The following ATXN1 variants were observed in gnomAD, a reference collection of about 807,000 sequenced individuals.
ATXN1 encodes ataxin-1.
ATXN1 carries 8 observed loss-of-function variants against 56.4 expected under a neutral mutation model. The observed-to-expected ratio is 0.14, with a 90% confidence interval of 0.08 to 0.26. The LOEUF (loss-of-function observed/expected upper bound fraction) is 0.26. Ranked by LOEUF, ATXN1 falls within the 10% of genes least tolerant of loss-of-function variation. ATXN1 has a pLI of 1.00. For synonymous variants in ATXN1, 514 were observed against 494.6 expected, an observed-to-expected ratio of 1.04 and a Z score of -0.52; for missense variants, 987 against 1,106.5, an observed-to-expected ratio of 0.89 and a Z score of 1.53.
At chr6:16,490,134 CAAAA>C (rs36120552) in intron 5 of ATXN1, among the ~76,000 whole-genome samples, 2 of 134,276 alleles carry the variant, frequency 1.5e-5, no homozygotes, top group African/African-American at 2.7e-5. Context: ...GACAAATGAC[CAAAA>C]AAAAAAAAAA....
intron 7 of ATXN1, among the ~76,000 whole-genome samples, chr6:16,309,054 C>T (rs1760323401): frequency 6.6e-6 from 1 of 151,126 alleles, no homozygotes; most frequent in Non-Finnish European, 1.5e-5. Flanking sequence ...AAAATGAGAC[C>T]CCGTTTCTAC....
rs1204757788 is a variant in ATXN1, at chr6:16,535,839, A to G, written c.-360-13151T>C. Among the ~76,000 whole-genome samples the G allele has an allele frequency of 4.6e-5, 7 of 152,326 alleles. No individual in the cohort carries two copies. The East Asian group carries it at 1.4e-3, about 29-fold the overall frequency. ...CAAGATCAACAGCCCATGATAGGTC[A>G]CATATGATGTGATAAAAGTGACAAT... On this transcript the variant is annotated intron_variant, in intron 4 of 7. Coordinates refer to ENST00000436367, the MANE Select transcript of ATXN1 (RefSeq NM_001128164.2).
intron 6 of ATXN1, among the ~76,000 whole-genome samples, chr6:16,407,981 A>C (rs1381279553): frequency 1.3e-5 from 2 of 152,216 alleles, no homozygotes; most frequent in Admixed American, 6.5e-5. Flanking sequence ...GAACTGACCC[A>C]GAGTGGTTGG....
chr6:16,480,577 C>T (rs1760418505), intron 6 of ATXN1, among the ~76,000 whole-genome samples: 1 of 151,994 alleles, frequency 6.6e-6, no homozygotes, highest in African/African-American at 2.4e-5. Flanking sequence ...GCCCTGGATC[C>T]CTGATAGACT....
At chr6:16,528,276 G>A (rs972659135) in intron 4 of ATXN1, among the ~76,000 whole-genome samples, 2 of 151,130 alleles carry the variant, frequency 1.3e-5, no homozygotes, top group African/African-American at 2.4e-5. Context: ...ACTCCAACCT[G>A]GGCAACAGAG....
At chr6:16,708,279 A>G (rs554706659) in intron 2 of ATXN1, among the ~76,000 whole-genome samples, 1 of 152,334 alleles carries the variant, frequency 6.6e-6, no homozygotes, top group Non-Finnish European at 1.5e-5. Flanking sequence ...GTCAACATAC[A>G]TGCATCTAAC....
chr6:16,327,350 T>G lies in ATXN1; in HGVS notation c.961A>C (p.Lys321Gln). 1.2e-6 allele frequency: 2 copies of G among 1,613,448 alleles called. No individual in the cohort carries two copies. Among genetic ancestry groups the G allele is most frequent in the Non-Finnish European group, 1.7e-6 (2 of 1,179,970 alleles). ...TCCATCTCACCGTTCAGGACCTCCT[T>G]GGCCTGGATGGCCTGCTGCAGCCGG... The part of the protein sequence containing the change: ...SSRLQQAIQA[K>Q]EVLNGEMEKS... Residue 321 changes from lysine to glutamine, a missense_variant, in exon 7 of 8, where the codon AAG becomes CAG. Coordinates refer to ENST00000436367, the MANE Select transcript of ATXN1 (RefSeq NM_001128164.2).
intron 6 of ATXN1, among the ~76,000 whole-genome samples, chr6:16,331,620 C>A (rs1760995714): frequency 6.6e-6 from 1 of 152,098 alleles, no homozygotes; most frequent in Non-Finnish European, 1.5e-5. Flanking sequence ...TATAGTAGGC[C>A]CAGCCAGTAA....
At chr6:16,517,434 A>G (rs1265405522) in intron 5 of ATXN1, among the ~76,000 whole-genome samples, 1 of 152,236 alleles carries the variant, frequency 6.6e-6, no homozygotes, top group Non-Finnish European at 1.5e-5. Context: ...TGAGAATTAC[A>G]CAAGTTAATA....
intron 6 of ATXN1, among the ~76,000 whole-genome samples, chr6:16,347,052 C>T (rs148071858): frequency 0.011 from 1,642 of 152,374 alleles, 15 homozygotes; most frequent in Non-Finnish European, 0.015. Flanking sequence ...CTCAATTTCT[C>T]GCCAGGCCTT....
chr6:16,726,652 G>T (rs1759856950), intron 2 of ATXN1, among the ~76,000 whole-genome samples: 1 of 152,002 alleles, frequency 6.6e-6, no homozygotes, highest in African/African-American at 2.4e-5. Context: ...ATCACTTGAG[G>T]TCAGGAGTTC....
chr6:16,705,137 G>A (rs1759379812), intron 2 of ATXN1, among the ~76,000 whole-genome samples: 1 of 152,226 alleles, frequency 6.6e-6, no homozygotes, highest in Non-Finnish European at 1.5e-5. Context: ...TCCAGGTAGT[G>A]AGCCTATGCT....
intron 2 of ATXN1, chr6:16,752,889 C>G (rs532335054): frequency 5.1e-6 from 1 of 196,868 alleles, no homozygotes; most frequent in African/African-American, 2.4e-5. Context: ...AATGCAAAAA[C>G]TGTGACTTAA....
At position 16,328,320 on chromosome 6, in the gene ATXN1, T is replaced by G; in HGVS notation, c.-10A>C. On this transcript the variant is annotated 5_prime_UTR_variant, in exon 7 of 8. Transcript: ENST00000436367. This position sits in a 1 kb window ranked among gnomAD's most constrained non-coding sequence, Gnocchi z 6.2. ...CTTGGTTGGATTTCATTTTTCGCCG[T>G]CCCCCCTCCACGGTGACTGTTTCAC... is the stretch of plus-strand genomic sequence containing the variant. 2 of 1,490,804 alleles carry G rather than the reference T, an allele frequency of 1.3e-6. No individual in the cohort carries two copies. The highest frequency in any genetic ancestry group is 1.4e-5 in the South Asian group (1 of 73,422). The allele number at this position is 1,490,804 out of a possible 1,614,324, so 92.3% of individuals were successfully genotyped here.
intron 4 of ATXN1, among the ~76,000 whole-genome samples, chr6:16,559,110 C>T (rs908968856): frequency 6.6e-6 from 1 of 152,080 alleles, no homozygotes; most frequent in Non-Finnish European, 1.5e-5. Flanking sequence ...CTCAGATTGG[C>T]AAAGATCGTG....
chr6:16,628,087 A>T (rs1421470626), intron 3 of ATXN1, among the ~76,000 whole-genome samples: 3 of 152,222 alleles, frequency 2.0e-5, no homozygotes, highest in Admixed American at 1.3e-4. Context: ...ACAAATAAAA[A>T]TAAACAGACA....
Position 16,308,322 on chromosome 6 carries a change from T to TCACACACACACA in ATXN1, c.1918-1475_1918-1464dup, listed in dbSNP as rs35291830. On this transcript the variant is annotated intron_variant, in intron 7 of 7. Coordinates refer to ENST00000436367, the MANE Select transcript of ATXN1 (RefSeq NM_001128164.2). ...GCCTGGGCGACAGAGTGAAACTCCG[T>TCACACACACACA]CACACACACACACACACACACACAC... is the stretch of plus-strand genomic sequence containing the variant. 6.1e-3 allele frequency among the ~76,000 whole-genome samples: 810 copies of TCACACACACACA among 132,678 alleles called. 16 individuals are homozygous for TCACACACACACA. The highest frequency in any genetic ancestry group is 0.048 in the East Asian group (182 of 3,776). The allele number at this position is 132,678 out of a possible 152,430, so 87.0% of individuals were successfully genotyped here.
At chr6:16,685,811 C>T (rs1758905888) in intron 2 of ATXN1, among the ~76,000 whole-genome samples, 1 of 152,120 alleles carries the variant, frequency 6.6e-6, no homozygotes, top group Non-Finnish European at 1.5e-5. Flanking sequence ...TATAATTTCA[C>T]AAAGCAAAGA....
intron 2 of ATXN1, among the ~76,000 whole-genome samples, chr6:16,719,776 G>C (rs1434347901): frequency 1.3e-5 from 2 of 152,106 alleles, no homozygotes; most frequent in Non-Finnish European, 2.9e-5. Flanking sequence ...AGAGGAGAAG[G>C]CCATGTGAAA....
Sources: gnomAD v4.1 joint callset for allele counts (sites outside exome capture counted in the v4.1 genomes callset) on GRCh38, gnomAD v4.1.1 for gene constraint, Gnocchi (gnomAD v3.1) non-coding constraint, MANE v1.5 for transcripts, NCBI Gene and HGNC (gene_info 2026-07-23, HGNC 2026-07-21) for gene names.